Variants in KCNK2 observed in about 807,000 individuals in gnomAD.
KCNK2 encodes the protein potassium two pore domain channel subfamily K member 2, also known as potassium channel subfamily K member 2.
Under a neutral mutation model 40.5 loss-of-function variants are expected in KCNK2, and 21 were observed. The observed-to-expected ratio is 0.52, with a 90% CI of 0.37 to 0.75. The LOEUF is 0.75. Ranked by LOEUF, KCNK2 falls within the 30% of genes least tolerant of loss-of-function variation. The pLI is 0.00. For synonymous variants in KCNK2, 191 were observed against 202.2 expected, an observed-to-expected ratio of 0.94 and a Z score of 0.47; for missense variants, 399 against 531.6, an observed-to-expected ratio of 0.75 and a Z score of 2.45.
chr1:215,161,027 A>G (rs1054686211), intron 3 of KCNK2, among the ~76,000 whole-genome samples: 11 of 152,108 alleles, frequency 7.2e-5, no homozygotes, highest in African/African-American at 2.2e-4. Context: ...GAGATCATCC[A>G]TTACTCATAT....
At chr1:215,197,598 T>C (rs1664917867) in intron 6 of KCNK2, among the ~76,000 whole-genome samples, 2 of 152,190 alleles carry the variant, frequency 1.3e-5, no homozygotes, top group Non-Finnish European at 2.9e-5. Context: ...CCAAATGCAG[T>C]CACACTGGGG....
At chr1:215,040,756 G>A (rs1318810868) in intron 1 of KCNK2, among the ~76,000 whole-genome samples, 6 of 152,048 alleles carry the variant, frequency 3.9e-5, no homozygotes, top group African/African-American at 1.2e-4. Context: ...AGACTCAGCC[G>A]GATATCAACT....
chr1:215,178,225 G>A (rs1397979845), intron 5 of KCNK2, among the ~76,000 whole-genome samples: 1 of 152,054 alleles, frequency 6.6e-6, no homozygotes, highest in African/African-American at 2.4e-5. Context: ...ATCTTCAAAT[G>A]TTACTGAAGT....
At chr1:215,144,452 G>T (rs1223374500) in intron 3 of KCNK2, among the ~76,000 whole-genome samples, 1 of 152,166 alleles carries the variant, frequency 6.6e-6, no homozygotes, top group Non-Finnish European at 1.5e-5. Context: ...GAGACAGACA[G>T]TAGTTGATGA....
intron 1 of KCNK2, among the ~76,000 whole-genome samples, chr1:215,084,918 A>G (rs1659365123): frequency 6.6e-6 from 1 of 152,116 alleles, no homozygotes; most frequent in South Asian, 2.1e-4. Context: ...ATTTTACAAC[A>G]CTACTTAGGT....
chr1:215,178,509 C>G (rs1002146843), intron 5 of KCNK2, among the ~76,000 whole-genome samples: 1 of 151,990 alleles, frequency 6.6e-6, no homozygotes, highest in Admixed American at 6.6e-5. Context: ...ATAGATGGCT[C>G]TTATTATTTT....
chr1:215,032,103 ATTT>A (rs368295671), intron 1 of KCNK2, among the ~76,000 whole-genome samples: 5 of 137,710 alleles, frequency 3.6e-5, no homozygotes, highest in South Asian at 2.3e-4. Flanking sequence ...TCAATTAAGG[ATTT>A]TTTTTTTTTT....
chr1:215,022,129 A>ATCTATCTATCTATCTATCT (rs5780811), intron 1 of KCNK2, among the ~76,000 whole-genome samples: 27,452 of 122,770 alleles, frequency 0.22, 3,024 homozygotes, highest in Non-Finnish European at 0.28. Context: ...CTATCTATCT[A>ATCTATCTATCTATCTATCT]ATCATCTATC....
intron 2 of KCNK2, 106 bp from the exon 3 acceptor site, chr1:215,124,527 G>C (rs1661331940): frequency 2.7e-6 from 2 of 754,648 alleles, no homozygotes; most frequent in South Asian, 1.4e-5. Context: ...CAAAATGTTA[G>C]AGTTGATTCT....
At chr1:215,056,308 C>CGA (rs571022321) in intron 1 of KCNK2, among the ~76,000 whole-genome samples, 1 of 121,564 alleles carries the variant, frequency 8.2e-6, no homozygotes, top group Non-Finnish European at 1.6e-5. Context: ...AACTCCATCT[C>CGA]AAAAAAAAAA....
chr1:215,146,924 T>A (rs994068567), intron 3 of KCNK2, among the ~76,000 whole-genome samples: 1 of 152,232 alleles, frequency 6.6e-6, no homozygotes, highest in Non-Finnish European at 1.5e-5. Context: ...ATCAGCATGG[T>A]ATCTGATATG....
intron 2 of KCNK2, among the ~76,000 whole-genome samples, chr1:215,124,059 A>T (rs17024310): frequency 0.083 from 12,587 of 152,232 alleles, 573 homozygotes; most frequent in Middle Eastern, 0.15. Flanking sequence ...TAGAAATTCT[A>T]AGAGTCTACA....
intron 3 of KCNK2, among the ~76,000 whole-genome samples, chr1:215,133,764 G>A (rs1449592374): frequency 2.0e-5 from 3 of 151,810 alleles, no homozygotes; most frequent in African/African-American, 7.3e-5. Context: ...TAACTATTGT[G>A]GTTTATGTGC....
chr1:215,071,744 A>C (rs999381668), intron 1 of KCNK2, among the ~76,000 whole-genome samples: 21 of 152,190 alleles, frequency 1.4e-4, no homozygotes, highest in African/African-American at 5.1e-4. Context: ...TTGGGCATAA[A>C]ATTTTGGGTG....
At position 215,083,197 on chromosome 1, in the gene KCNK2, C is replaced by CCCCCT; in HGVS notation, c.-185_-184insTCCCC. ...GCGATTTCGTTTCTTCTCACGCTCC[C>CCCCCT]CCCCCCGCCCCCTCCCGCGTCCAGC... On this transcript the variant is annotated 5_prime_UTR_variant, in exon 1 of 7. Transcript: ENST00000444842. The CCCCCT allele has an allele frequency of 2.2e-5, 12 of 536,496 alleles. No individual in the cohort carries two copies. The highest frequency in any genetic ancestry group is 3.5e-5 in the South Asian group (2 of 56,668). The allele number at this position is 536,496 out of a possible 1,614,324, so 33.2% of individuals were successfully genotyped here.
At chr1:215,208,925 TCAA>T (rs1297592705) in intron 6 of KCNK2, among the ~76,000 whole-genome samples, 1 of 151,890 alleles carries the variant, frequency 6.6e-6, no homozygotes, top group Admixed American at 6.6e-5. Flanking sequence ...CCTCCTGGGT[TCAA>T]GCAATTCTCC....
intron 1 of KCNK2, among the ~76,000 whole-genome samples, chr1:215,053,238 G>C (rs1472003670): frequency 1.3e-5 from 2 of 152,106 alleles, no homozygotes; most frequent in African/African-American, 4.8e-5. Context: ...TCTCAGAAGG[G>C]AATGCTACAT....
intron 2 of KCNK2, among the ~76,000 whole-genome samples, chr1:215,110,541 C>A (rs1398435556): frequency 6.6e-6 from 1 of 152,098 alleles, no homozygotes; most frequent in Non-Finnish European, 1.5e-5. Flanking sequence ...AGCTTTATTT[C>A]TGGATTCTTG....
At chr1:215,048,328 T>C (rs1477338327) in intron 1 of KCNK2, among the ~76,000 whole-genome samples, 1 of 152,206 alleles carries the variant, frequency 6.6e-6, no homozygotes, top group Non-Finnish European at 1.5e-5. Flanking sequence ...TTTTGTTTTC[T>C]CTCTAAGCAA....
Sources: allele counts gnomAD v4.1 joint callset (sites outside exome capture counted in the v4.1 genomes callset), GRCh38; gene constraint gnomAD v4.1.1; transcripts MANE v1.5; gene names NCBI Gene and HGNC (gene_info 2026-07-23, HGNC 2026-07-21).